Variants in RNF115 observed in about 807,000 individuals in gnomAD.
RNF115 encodes E3 ubiquitin-protein ligase RNF115.
A neutral mutation model predicts 39.2 loss-of-function variants in RNF115; 31 were observed. That is an observed-to-expected ratio of 0.79 (90% CI 0.59 to 1.07). The LOEUF (loss-of-function observed/expected upper bound fraction) is 1.07. Ranked by LOEUF, RNF115 falls within the 50% of genes least tolerant of loss-of-function variation. The probability of loss-of-function intolerance (pLI) is 0.00; values close to 1 mark genes in which losing one functional copy is unlikely to be tolerated. For synonymous variants in RNF115, 124 were observed against 131.0 expected (o/e 0.95, Z 0.37); for missense variants, 384 against 381.7 (o/e 1.01, Z -0.05).
rs188788362 is a variant in RNF115, at chr1:145,759,532, G to C, written c.429-6483C>G. Among the ~76,000 whole-genome samples, 6 of 152,192 alleles carry C rather than the reference G, an allele frequency of 3.9e-5. No homozygotes were observed. The East Asian group carries it at 5.8e-4, about 15-fold the overall frequency. On this transcript the variant is annotated intron_variant, in intron 4 of 8. Transcript: ENST00000582693. ...CTCCTATCATGAATATTGCCAAACT[G>C]CATCTGAAACCAAACCATTTTTCAC...
intron 7 of RNF115, among the ~76,000 whole-genome samples, chr1:145,750,050 AAC>A (rs1300640018): frequency 2.0e-4 from 31 of 152,330 alleles, no homozygotes; most frequent in African/African-American, 6.7e-4. Flanking sequence ...TCATGTGTCC[AAC>A]ACAGTTTTTA....
intron 1 of RNF115, among the ~76,000 whole-genome samples, chr1:145,818,250 G>T (rs1162052586): frequency 2.6e-5 from 4 of 151,992 alleles, no homozygotes; most frequent in African/African-American, 9.7e-5. Context: ...CCACAACCTT[G>T]CCAACAACTG....
chr1:145,800,118 G>A (rs1553720674), intron 1 of RNF115, among the ~76,000 whole-genome samples: 1 of 152,158 alleles, frequency 6.6e-6, no homozygotes, highest in Non-Finnish European at 1.5e-5. Flanking sequence ...AACAGTCTGA[G>A]AAACATAGTC....
chr1:145,819,272 A>C (rs1650125745), intron 1 of RNF115, among the ~76,000 whole-genome samples: 1 of 3,348 alleles, frequency 3.0e-4, no homozygotes, highest in South Asian at 5.9e-3. Flanking sequence ...CTTATCTCTC[A>C]AAAAAAAAAA....
rs927662476 is a variant in RNF115 at position 145,789,069 on chromosome 1, T to A, written c.103-103A>T. 1.1e-5 allele frequency: 8 copies of A among 728,568 alleles called. No homozygotes were observed. The Admixed American group carries it at 1.9e-4, about 17-fold the overall frequency. The allele number at this position is 728,568 out of a possible 1,614,324, so 45.1% of individuals were successfully genotyped here. On this transcript the variant is annotated intron_variant, in intron 1 of 8. Coordinates refer to ENST00000582693, the MANE Select transcript of RNF115 (RefSeq NM_014455.4). The stretch of plus-strand genomic sequence containing the variant: ...CAGTATACAAGCTGAGGCTCTGAAA[T>A]GTTCTATGTACTCGCTGACTCAAGT...
At chr1:145,748,883 C>CAAA (rs34432746) in intron 7 of RNF115, among the ~76,000 whole-genome samples, 1 of 136,416 alleles carries the variant, frequency 7.3e-6, no homozygotes, top group Non-Finnish European at 1.6e-5. Flanking sequence ...GACTCTGTCT[C>CAAA]AAAAAAAAAA....
chr1:145,768,827 T>C (rs1005879179), intron 4 of RNF115, among the ~76,000 whole-genome samples: 1 of 152,202 alleles, frequency 6.6e-6, no homozygotes, highest in East Asian at 1.9e-4. Flanking sequence ...AGTGACATCA[T>C]AATGACAATT....
intron 1 of RNF115, among the ~76,000 whole-genome samples, chr1:145,789,665 TG>T (rs1403452384): frequency 6.7e-6 from 1 of 150,294 alleles, no homozygotes; most frequent in East Asian, 1.9e-4. Context: ...CCCAAAGTGC[TG>T]GGATTACAGG....
At chr1:145,781,436 T>C (rs1445932363) in intron 3 of RNF115, among the ~76,000 whole-genome samples, 3 of 152,186 alleles carry the variant, frequency 2.0e-5, no homozygotes, top group Non-Finnish European at 4.4e-5. Context: ...TAAAACCTTA[T>C]AGCTTATGAA....
rs1313742999 is a variant in RNF115 at position 145,811,900 on chromosome 1, AAAAAAAAAAT to A, written c.102+11862_102+11871del. On this transcript the variant is annotated intron_variant, in intron 1 of 8. Transcript: ENST00000582693. ...CTGTCTCACAAAAAAAAAAAAAAAA[AAAAAAAAAAT>A]ATATATATATATATATATATATACA... Among the ~76,000 whole-genome samples the A allele has an allele frequency of 1.5e-3, 149 of 98,404 alleles. 2 individuals carry two copies. The highest frequency in any genetic ancestry group is 3.2e-3 in the African/African-American group (82 of 25,956). The allele number at this position is 98,404 out of a possible 152,430, so 64.6% of individuals were successfully genotyped here. A position where few individuals can be genotyped will look rare whatever the true frequency, so the allele number is the denominator to read the frequency against.
chr1:145,785,882 A>T (rs1553718038), intron 2 of RNF115, among the ~76,000 whole-genome samples: 1 of 152,256 alleles, frequency 6.6e-6, no homozygotes, highest in African/African-American at 2.4e-5. Context: ...ATGTATAACA[A>T]GCCCAAAAGT....
rs1360762499 is a variant in RNF115, at chr1:145,771,769, C to T, written c.370G>A (p.Gly124Ser). Residue 124 changes from glycine to serine, a missense_variant, in exon 4 of 9, where the codon GGT (glycine) becomes AGT (serine). Transcript: ENST00000582693. ...WGARPPRLPL[G>S]RRYRSRGSSR... is the part of the protein sequence containing the mutation. ...CTTCCTCGAGATCTGTATCTCCGAC[C>T]CAATGGCAACCGTGGAGGTCTTGCT... The T allele has an allele frequency of 6.2e-7, 1 of 1,614,052 alleles. No homozygotes were observed. Among genetic ancestry groups the T allele is most frequent in the Non-Finnish European group, 8.5e-7 (1 of 1,180,024 alleles).
At chr1:145,785,348 G>A (rs1648332953) in intron 2 of RNF115, among the ~76,000 whole-genome samples, 1 of 152,174 alleles carries the variant, frequency 6.6e-6, no homozygotes, top group Non-Finnish European at 1.5e-5. Flanking sequence ...ACATTACACA[G>A]TACTATCACC....
chr1:145,757,795 G>A (rs1174096012), intron 4 of RNF115, among the ~76,000 whole-genome samples: 1 of 138,348 alleles, frequency 7.2e-6, no homozygotes. Context: ...CCATATCACT[G>A]TATGTTGGGT....
intron 1 of RNF115, among the ~76,000 whole-genome samples, chr1:145,790,985 T>C (rs1553718869): frequency 6.6e-6 from 1 of 151,182 alleles, no homozygotes; most frequent in Non-Finnish European, 1.5e-5. Flanking sequence ...CTACTAAAAA[T>C]GTAAAATTAG....
chr1:145,802,309 C>A (rs1553720979), intron 1 of RNF115, among the ~76,000 whole-genome samples: 1 of 152,092 alleles, frequency 6.6e-6, no homozygotes, highest in African/African-American at 2.4e-5. Flanking sequence ...TGATGCTTAC[C>A]CACTTAAAAG....
intron 1 of RNF115, among the ~76,000 whole-genome samples, chr1:145,820,452 A>G (rs71510524): frequency 0.044 from 6,582 of 150,208 alleles, 348 homozygotes; most frequent in African/African-American, 0.15. Context: ...TAAAAAGAAA[A>G]AAAGAGGCCG....
At chr1:145,812,414 T>C (rs1186675550) in intron 1 of RNF115, among the ~76,000 whole-genome samples, 2 of 150,694 alleles carry the variant, frequency 1.3e-5, no homozygotes, top group Non-Finnish European at 3.0e-5. Context: ...TCCCAGCACT[T>C]TGGAAGGCCG....
chr1:145,785,072 T>C (rs1055977129), intron 2 of RNF115, among the ~76,000 whole-genome samples: 20 of 152,124 alleles, frequency 1.3e-4, no homozygotes, highest in Admixed American at 5.2e-4. Context: ...AAGGATTCAA[T>C]AAATATTTCT....
Sources: allele counts gnomAD v4.1 joint callset (sites outside exome capture counted in the v4.1 genomes callset), GRCh38; gene constraint gnomAD v4.1.1; transcripts MANE v1.5; gene names NCBI Gene and HGNC (gene_info 2026-07-23, HGNC 2026-07-21).